PTPN14: variants seen among roughly 807,000 people sequenced by gnomAD.
PTPN14 encodes tyrosine-protein phosphatase non-receptor type 14.
A neutral mutation model predicts 126.8 loss-of-function variants in PTPN14; 53 were observed. That is an observed-to-expected ratio of 0.42 (90% CI 0.34 to 0.53). The LOEUF is 0.53. Among genes scored for constraint, PTPN14 ranks in the 20% least tolerant of loss-of-function variants. The pLI, the probability that PTPN14 is intolerant of heterozygous loss-of-function variation, is 0.08. For synonymous variants in PTPN14, 630 were observed against 599.3 expected (o/e 1.05, Z -0.75); for missense variants, 1,257 against 1,552.9 (o/e 0.81, Z 3.20).
chr1:214,500,182 C>A lies in PTPN14; in HGVS notation c.-154-35225G>T, dbSNP rs146011932. Among the ~76,000 whole-genome samples the A allele has an allele frequency of 6.6e-5, 10 of 152,060 alleles. No individual in the cohort carries two copies. In the East Asian group the frequency reaches 1.6e-3, roughly 24 times the overall value. ...TCAAAGTTTCCAGAAAAATATTCCC[C>A]CAAATATGTAAGACATACCCACATG... is the stretch of plus-strand genomic sequence containing the variant. On this transcript the variant is annotated intron_variant, in intron 1 of 18. Coordinates refer to ENST00000366956, the MANE Select transcript of PTPN14 (RefSeq NM_005401.5).
chr1:214,485,777 G>A (rs1418839694), intron 1 of PTPN14, among the ~76,000 whole-genome samples: 3 of 151,772 alleles, frequency 2.0e-5, no homozygotes, highest in African/African-American at 7.3e-5. Flanking sequence ...CCAGGCCAGA[G>A]TGCAGTGGCG....
intron 10 of PTPN14, among the ~76,000 whole-genome samples, chr1:214,392,879 C>G (rs1658790337): frequency 6.6e-6 from 1 of 152,224 alleles, no homozygotes; most frequent in African/African-American, 2.4e-5. Context: ...TGCTCTAGGA[C>G]AATACTCTAC....
intron 2 of PTPN14, among the ~76,000 whole-genome samples, chr1:214,460,220 C>T (rs1267824736): frequency 6.6e-6 from 1 of 152,130 alleles, no homozygotes; most frequent in Non-Finnish European, 1.5e-5. Context: ...ATGGAAACTG[C>T]TCAGCAGAGT....
intron 15 of PTPN14, among the ~76,000 whole-genome samples, chr1:214,375,251 C>T (rs773908585): frequency 9.2e-5 from 14 of 152,104 alleles, no homozygotes; most frequent in African/African-American, 1.2e-4. Flanking sequence ...ATATCTAACT[C>T]GCCTTTTACA....
intron 1 of PTPN14, among the ~76,000 whole-genome samples, chr1:214,475,780 T>C (rs1349817635): frequency 1.3e-5 from 2 of 152,160 alleles, no homozygotes; most frequent in Admixed American, 1.3e-4. Flanking sequence ...CACCCCATTT[T>C]ACACACTAAG....
rs1658925742 is a variant in PTPN14 at position 214,397,986 on chromosome 1, A to G, written c.685T>C (p.Cys229Arg). 6.2e-7 allele frequency: 1 copy of G among 1,611,992 alleles called. No individual in the cohort carries two copies. The highest frequency in any genetic ancestry group is 1.3e-5 in the African/African-American group (1 of 74,898). The change falls in exon 8 of 19, where the codon TGT (cysteine) becomes CGT (arginine). Residue 229 changes from cysteine (C) to arginine (R), a missense_variant. Cys to Arg is a radical substitution (Grantham distance 180). Around this residue, in one of 3 missense-constraint regions of PTPN14, gnomAD observed 1,021 missense variants for 1,183.3 expected, o/e 0.86. Transcript: ENST00000366956. ...IFPVKDNHGN[C>R]VHLGIFFMGI... ...ATAAAGAAAATGCCAAGGTGTACAC[A>G]GTTTCCATGATTGTCCTGGGTAAGA...
At chr1:214,415,038 T>A (rs17022860) in intron 3 of PTPN14, among the ~76,000 whole-genome samples, 1,858 of 152,266 alleles carry the variant, frequency 0.012, 48 homozygotes, top group African/African-American at 0.042. Flanking sequence ...ATGAAAATAC[T>A]TTTGCACACC....
intron 2 of PTPN14, 32 bp from the exon 3 acceptor site, chr1:214,452,006 T>G: frequency 6.3e-7 from 1 of 1,595,674 alleles, no homozygotes; most frequent in Non-Finnish European, 8.5e-7. Flanking sequence ...CATCAGTTCA[T>G]GCTCACCACA....
intron 1 of PTPN14, among the ~76,000 whole-genome samples, chr1:214,550,450 T>C (rs764311612): frequency 2.6e-5 from 4 of 152,216 alleles, no homozygotes; most frequent in East Asian, 1.9e-4. Flanking sequence ...GAAAGGGAGA[T>C]AGGGGCAGCG....
At chr1:214,368,803 T>C (rs1198159424) in intron 17 of PTPN14, among the ~76,000 whole-genome samples, 4 of 152,094 alleles carry the variant, frequency 2.6e-5, no homozygotes, top group Non-Finnish European at 4.4e-5. Flanking sequence ...GCGAACATGG[T>C]GAAACCTCAT....
chr1:214,427,689 C>A (rs1558097699), intron 3 of PTPN14, among the ~76,000 whole-genome samples: 1 of 151,664 alleles, frequency 6.6e-6, no homozygotes, highest in Non-Finnish European at 1.5e-5. Context: ...ACAATAGGTC[C>A]AATGAGAAAA....
At chr1:214,543,221 A>G (rs1261944342) in intron 1 of PTPN14, among the ~76,000 whole-genome samples, 1 of 152,234 alleles carries the variant, frequency 6.6e-6, no homozygotes, top group African/African-American at 2.4e-5. Context: ...CGGTAAATCC[A>G]AACCTGAAAG....
chr1:214,453,043 G>C (rs1226572253), intron 2 of PTPN14, among the ~76,000 whole-genome samples: 3 of 152,110 alleles, frequency 2.0e-5, no homozygotes, highest in African/African-American at 7.2e-5. Flanking sequence ...GACTTTACTA[G>C]AAAACCAGAC....
intron 3 of PTPN14, among the ~76,000 whole-genome samples, chr1:214,436,234 G>T (rs1659912072): frequency 1.3e-5 from 2 of 151,942 alleles, no homozygotes; most frequent in African/African-American, 4.8e-5. Context: ...CAAACACCAG[G>T]GCCTACTTGA....
chr1:214,386,001 T>C (rs1658600138), intron 12 of PTPN14, among the ~76,000 whole-genome samples: 1 of 152,232 alleles, frequency 6.6e-6, no homozygotes, highest in Non-Finnish European at 1.5e-5. Context: ...GTTGATAACG[T>C]AGAAACTATA....
intron 1 of PTPN14, among the ~76,000 whole-genome samples, chr1:214,546,806 C>G (rs1655981769): frequency 1.3e-5 from 2 of 152,108 alleles, no homozygotes; most frequent in Non-Finnish European, 2.9e-5. Flanking sequence ...AATTTAGCCC[C>G]TAAGGAAACT....
rs181415020 is a variant in PTPN14, at chr1:214,516,279, C to T, written c.-155+34904G>A. 6.6e-3 allele frequency among the ~76,000 whole-genome samples: 1,005 copies of T among 152,204 alleles called. 5 individuals are homozygous for T. The highest frequency in any genetic ancestry group is 0.011 in the Non-Finnish European group (734 of 68,016). On this transcript the variant is annotated intron_variant, in intron 1 of 18. Transcript: ENST00000366956. ...GGTAGGAATAATTTCTCTATGATGC[C>T]TTGTGTGTTTTGGTTTTGTTTTCAG...
intron 3 of PTPN14, among the ~76,000 whole-genome samples, chr1:214,447,746 C>T (rs970280659): frequency 6.6e-6 from 1 of 152,210 alleles, no homozygotes; most frequent in East Asian, 1.9e-4. Flanking sequence ...AATCCAACTC[C>T]TAACTTTCAA....
chr1:214,453,454 C>G (rs1660314775), intron 2 of PTPN14, among the ~76,000 whole-genome samples: 1 of 152,210 alleles, frequency 6.6e-6, no homozygotes, highest in Non-Finnish European at 1.5e-5. Flanking sequence ...TCTAGACTCT[C>G]AGAGTTTTCT....
Sources: allele counts gnomAD v4.1 joint callset (sites outside exome capture counted in the v4.1 genomes callset), GRCh38; gene constraint gnomAD v4.1.1; regional missense constraint gnomAD v4.1.1; transcripts MANE v1.5; gene names NCBI Gene and HGNC (gene_info 2026-07-23, HGNC 2026-07-21).